Variants in CLDN14 observed in about 807,000 individuals in gnomAD.
The protein encoded by CLDN14 is claudin-14.
In CLDN14, 2 loss-of-function variants were observed where a neutral mutation model predicts 2.1. The ratio of observed to expected loss-of-function variants is 0.96; its 90% CI spans 0.39 to 3.01. The LOEUF is 3.01. CLDN14 is among the 30% of genes most tolerant of loss of function. The pLI, the probability that CLDN14 is intolerant of heterozygous loss-of-function variation, is 0.09. For missense variants in CLDN14, 298 were observed against 328.0 expected (o/e 0.91, Z 0.71); for synonymous variants, 136 against 154.4 (o/e 0.88, Z 0.88).
At chr21:36,534,370 G>A (rs1243491017) in intron 1 of CLDN14, among the ~76,000 whole-genome samples, 1 of 152,182 alleles carries the variant, frequency 6.6e-6, no homozygotes, top group Non-Finnish European at 1.5e-5. Flanking sequence ...CAGGAAAAAG[G>A]GATGATGGAA....
chr21:36,510,001 A>G (rs2087171052), intron 2 of CLDN14, among the ~76,000 whole-genome samples: 1 of 152,202 alleles, frequency 6.6e-6, no homozygotes. Flanking sequence ...GTGCCCTACC[A>G]TAGACACCCT....
intron 1 of CLDN14, among the ~76,000 whole-genome samples, chr21:36,549,419 G>A (rs1249389990): frequency 3.9e-5 from 6 of 152,164 alleles, no homozygotes; most frequent in Admixed American, 3.3e-4. Flanking sequence ...AAATTGATGA[G>A]GAGAAGGAGC....
chr21:36,528,278 T>C (rs1421563237), intron 1 of CLDN14, among the ~76,000 whole-genome samples: 2 of 152,204 alleles, frequency 1.3e-5, no homozygotes, highest in Non-Finnish European at 1.5e-5. Context: ...GTTAGGGTAT[T>C]CCATGCTTTA....
intron 1 of CLDN14, among the ~76,000 whole-genome samples, chr21:36,568,077 G>C (rs1281419842): frequency 6.6e-6 from 1 of 152,178 alleles, no homozygotes; most frequent in Non-Finnish European, 1.5e-5. Flanking sequence ...TCTGGGATGA[G>C]AGGGCCCTAG....
At chr21:36,515,340 TG>T (rs1290967019) in intron 1 of CLDN14, among the ~76,000 whole-genome samples, 3 of 152,094 alleles carry the variant, frequency 2.0e-5, no homozygotes, top group African/African-American at 7.2e-5. Context: ...AAATCAAATA[TG>T]ATGTATCCAT....
intron 1 of CLDN14, among the ~76,000 whole-genome samples, chr21:36,473,140 G>T (rs1213981343): frequency 6.6e-6 from 1 of 151,396 alleles, no homozygotes; most frequent in Non-Finnish European, 1.5e-5. Context: ...TTATAGATGG[G>T]CTCTTGCTAT....
chr21:36,524,005 G>T (rs2087301391), intron 1 of CLDN14, among the ~76,000 whole-genome samples: 1 of 151,998 alleles, frequency 6.6e-6, no homozygotes, highest in Non-Finnish European at 1.5e-5. Context: ...GGGGACACAG[G>T]TGACCTCAAC....
intron 1 of CLDN14, among the ~76,000 whole-genome samples, chr21:36,554,443 G>GT (rs140229217): frequency 2.6e-5 from 4 of 152,304 alleles, no homozygotes; most frequent in Non-Finnish European, 4.4e-5. Context: ...AGGCAGGTGC[G>GT]TAACAGCCAT....
At chr21:36,501,003 G>A (rs1315468543) in intron 2 of CLDN14, among the ~76,000 whole-genome samples, 6 of 152,206 alleles carry the variant, frequency 3.9e-5, no homozygotes, top group Non-Finnish European at 7.3e-5. Context: ...TTAAATCAGC[G>A]GCCCAAGGTA....
intron 2 of CLDN14, among the ~76,000 whole-genome samples, chr21:36,503,055 G>A (rs1266040698): frequency 2.6e-5 from 4 of 152,108 alleles, no homozygotes; most frequent in African/African-American, 9.7e-5. Context: ...AGACAAGAAT[G>A]GATTTTTTTG....
intron 1 of CLDN14, among the ~76,000 whole-genome samples, chr21:36,539,586 G>A (rs1409598504): frequency 6.8e-6 from 1 of 147,558 alleles, no homozygotes; most frequent in Non-Finnish European, 1.5e-5. Context: ...TTTGTGTGGA[G>A]TGAGTGTGTG....
intron 1 of CLDN14, among the ~76,000 whole-genome samples, chr21:36,470,453 A>G (rs1222451287): frequency 6.6e-6 from 1 of 151,848 alleles, no homozygotes; most frequent in Admixed American, 6.6e-5. Context: ...ACCCGCGGAG[A>G]ATCGCCAGCA....
rs759597838 is a variant in CLDN14, at chr21:36,461,161, T to C, written c.535A>G (p.Thr179Ala). The stretch of plus-strand genomic sequence containing the variant: ...TCCTGGCAGGACAGGCAAAGCAGGG[T>C]GCCACCAATGAGCGAGAGGGACGAG... The part of the protein sequence containing the change: ...ISSSLSLIGG[T>A]LLCLSCQDEA... The change falls in exon 2 of 2, where the codon ACC (threonine) becomes GCC (alanine). Residue 179 changes from threonine to alanine, a missense_variant. Transcript: ENST00000399135. 5.0e-6 allele frequency: 8 copies of C among 1,613,520 alleles called. No individual in the cohort carries two copies. Among genetic ancestry groups the C allele is most frequent in the Non-Finnish European group, 6.8e-6 (8 of 1,179,668 alleles).
At chr21:36,536,530 T>C (rs2087424840) in intron 1 of CLDN14, among the ~76,000 whole-genome samples, 1 of 152,184 alleles carries the variant, frequency 6.6e-6, no homozygotes, top group Admixed American at 6.5e-5. Context: ...TAAAGCTCCA[T>C]GGGACAAATT....
intron 2 of CLDN14, among the ~76,000 whole-genome samples, chr21:36,507,124 T>TA (rs61037603): frequency 0.082 from 11,725 of 142,280 alleles, 1,078 homozygotes; most frequent in African/African-American, 0.22. Context: ...TGCTCCCTCT[T>TA]AAAAAAAAAA....
chr21:36,485,392 A>G (rs934195902), intron 2 of CLDN14, among the ~76,000 whole-genome samples: 1 of 151,894 alleles, frequency 6.6e-6, no homozygotes, highest in Non-Finnish European at 1.5e-5. Context: ...TATTTTTAGT[A>G]GAGACAGGGT....
intron 2 of CLDN14, among the ~76,000 whole-genome samples, chr21:36,509,721 G>A (rs1443945078): frequency 2.6e-5 from 4 of 152,024 alleles, no homozygotes; most frequent in Non-Finnish European, 5.9e-5. Context: ...TCAGCCTCCC[G>A]AGTAGCTGGG....
chr21:36,483,795 C>A (rs115602239), upstream of CLDN14, among the ~76,000 whole-genome samples: 1 of 152,254 alleles, frequency 6.6e-6, no homozygotes, highest in African/African-American at 2.4e-5. Context: ...GGGTTGAGAC[C>A]TTTTGGATTC....
chr21:36,555,835 GTGTGTGTGTGTGTGT>G (rs2087595001), intron 1 of CLDN14, among the ~76,000 whole-genome samples: 1 of 150,806 alleles, frequency 6.6e-6, no homozygotes, highest in Non-Finnish European at 1.5e-5. Flanking sequence ...GTGTGTGTGT[GTGTGTGTGTGTGTGT>G]GAGAGAGAGA....
Sources: allele counts gnomAD v4.1 joint callset (sites outside exome capture counted in the v4.1 genomes callset), GRCh38; gene constraint gnomAD v4.1.1; transcripts MANE v1.5; gene names NCBI Gene and HGNC (gene_info 2026-07-23, HGNC 2026-07-21).